The following LZTR1 variants were observed in gnomAD, a reference collection of about 807,000 sequenced individuals.
LZTR1 encodes leucine zipper like post translational regulator 1.
LZTR1 carries 260 observed loss-of-function variants against 105.7 expected under a neutral mutation model. The observed-to-expected ratio is 2.46, with a 90% CI of 2.22 to 2.72. The LOEUF (loss-of-function observed/expected upper bound fraction) is 2.72. LZTR1 is among the 30% of genes most tolerant of loss of function. LZTR1 has a pLI of 0.00. For missense variants in LZTR1, 1,214 were observed against 1,166.9 expected, an observed-to-expected ratio of 1.04 and a Z score of -0.59; for synonymous variants, 490 against 476.4, an observed-to-expected ratio of 1.03 and a Z score of -0.37.
chr22:20,987,552 C>T lies in LZTR1; in HGVS notation c.369C>T (p.Ala123=), dbSNP rs773126123. The change falls in exon 4 of 21, where the codon GCC becomes GCT. Residue 123 remains alanine (A), a synonymous_variant. Transcript: ENST00000646124. ...TPPAPRYHHS[A]VVYGSSMFVF... is the part of the protein sequence containing the mutation. Reference sequence around the variant, plus strand: ...CGGCCCCCCGTTACCACCACTCGGCCGTCGTCTATGGGAGCAGCATGTTTG... The same window carrying T: ...CGGCCCCCCGTTACCACCACTCGGCTGTCGTCTATGGGAGCAGCATGTTTG... 4.5e-5 allele frequency: 73 copies of T among 1,614,090 alleles called. No individual in the cohort carries two copies. Among genetic ancestry groups the T allele is most frequent in the East Asian group, 2.9e-4 (13 of 44,876 alleles).
intron 8 of LZTR1, 84 bp from the exon 9 acceptor site, chr22:20,991,544 C>A (rs1924604965): frequency 9.0e-7 from 1 of 1,115,512 alleles, no homozygotes; most frequent in African/African-American, 1.5e-5. Flanking sequence ...AGGGGGACCT[C>A]CCAGTGAAGG....
intron 7 of LZTR1, 86 bp from the exon 8 acceptor site, chr22:20,990,300 A>G (rs1276560264): frequency 1.4e-6 from 2 of 1,465,696 alleles, no homozygotes; most frequent in East Asian, 4.5e-5. Flanking sequence ...CAAGAATAAA[A>G]GCAGTCCCAT....
Position 20,998,217 on chromosome 22 carries a change from G to A in LZTR1, c.*869G>A, listed in dbSNP as rs41277343. On this transcript the variant is annotated 3_prime_UTR_variant, in exon 21 of 21. Transcript: ENST00000646124. ...CAGATGTAGGTCAGTGGCCTTACCTGTCTCTATCCATGCTGTCAACTCCTG... is the reference window on the plus strand; with the variant it reads ...CAGATGTAGGTCAGTGGCCTTACCTATCTCTATCCATGCTGTCAACTCCTG... 717 of 152,478 alleles carry A rather than the reference G, an allele frequency of 4.7e-3. No individual in the cohort carries two copies. Among genetic ancestry groups the A allele is most frequent in the Non-Finnish European group, 8.5e-3 (579 of 68,136 alleles). The allele number at this position is 152,478 out of a possible 1,614,324, so 9.4% of individuals were successfully genotyped here. A position where few individuals can be genotyped will look rare whatever the true frequency, so the allele number is the denominator to read the frequency against.
intron 16 of LZTR1, chr22:20,995,398 C>T (rs1924795855): frequency 3.3e-6 from 2 of 612,888 alleles, no homozygotes; most frequent in East Asian, 7.3e-5. Flanking sequence ...CTCCCTGGGG[C>T]TTGTGCTGAC....
At chr22:20,993,376 C>T (rs887473034) in intron 11 of LZTR1, 21 of 541,670 alleles carry the variant, frequency 3.9e-5, no homozygotes, top group African/African-American at 1.1e-4. Flanking sequence ...AGAGTGGAGA[C>T]GGCAGAGCTC....
chr22:20,989,361 CTGAG>C (rs1924513256), intron 6 of LZTR1, among the ~76,000 whole-genome samples: 1 of 152,226 alleles, frequency 6.6e-6, no homozygotes, highest in African/African-American at 2.4e-5. Context: ...AGGAGGGACA[CTGAG>C]TGAGGAGCTG....
intron 9 of LZTR1, 33 bp from the exon 10 acceptor site, chr22:20,992,181 C>T: frequency 6.2e-7 from 1 of 1,600,674 alleles, no homozygotes; most frequent in Non-Finnish European, 8.5e-7. Context: ...CCCTTGCCAA[C>T]TGGTCTCATG....
rs1412228621 is a variant in LZTR1, at chr22:20,989,014, G to C, written c.593+142G>C. 6 of 721,286 alleles carry C rather than the reference G, an allele frequency of 8.3e-6. No individual in the cohort carries two copies. The Admixed American group carries it at 8.5e-5, about 10-fold the overall frequency. The allele number at this position is 721,286 out of a possible 1,614,324, so 44.7% of individuals were successfully genotyped here. ...GTGCCACTCTGTCTGGGGGTTTCTT[G>C]GGAGGGGGATGGGGAAAGAGGAGGA... On this transcript the variant is annotated intron_variant, in intron 6 of 20. Transcript: ENST00000646124.
At chr22:20,989,539 C>A in intron 6 of LZTR1, 86 bp from the exon 7 acceptor site, 1 of 1,103,780 alleles carries the variant, frequency 9.1e-7, no homozygotes, top group African/African-American at 1.5e-5. Context: ...GGTGGGGCTC[C>A]TCCCTGCAGC....
intron 6 of LZTR1, 127 bp downstream of exon 6, chr22:20,988,999 G>C (rs1282853124): frequency 2.5e-6 from 2 of 790,518 alleles, no homozygotes; most frequent in Admixed American, 2.0e-5. Context: ...GTGCCACTCT[G>C]TCTGGGGGTT....
chr22:20,992,518 C>A, intron 10 of LZTR1, 149 bp downstream of exon 10: 1 of 955,832 alleles, frequency 1.0e-6, no homozygotes, highest in Non-Finnish European at 1.5e-6. Context: ...GGCCCTCACC[C>A]TGCTGGCCAG....
In LZTR1 at chr22:20,995,014, C is replaced by G. The variant is rs1569157562; in HGVS notation, c.1930C>G (p.Pro644Ala). The G allele has an allele frequency of 6.2e-7, 1 of 1,609,732 alleles. No homozygotes were observed. Among genetic ancestry groups the G allele is most frequent in the East Asian group, 2.2e-5 (1 of 44,834 alleles). ...GCCCCCTCGCACTCCCTTGGACCAG[C>G]CAGTGGACATTGGTAGGGAGCCCCG... ...QPPPRTPLDQ[P>A]VDIGTSLIQD... Residue 644 changes from proline to alanine, a missense_variant, in exon 16 of 21, where the codon CCA (proline) becomes GCA (alanine). Transcript: ENST00000646124.
At position 20,994,596 on chromosome 22, in the gene LZTR1, A is replaced by T; in HGVS notation, c.1654A>T (p.Lys552Ter). ...EDVLLIMDVY[K>*]LALSFQLCRL... ...TGTGCTGCTCATCATGGATGTGTAC[A>T]AACTGGCACTGAGCTTCCAGTTGTG... The change falls in exon 15 of 21, where the codon AAA becomes TAA. Residue 552 changes from lysine (K) to a stop codon, truncating the protein, a stop_gained. Coordinates refer to ENST00000646124, the MANE Select transcript of LZTR1 (RefSeq NM_006767.4). LOFTEE classifies it high-confidence loss of function. 1 of 1,612,404 alleles carries T rather than the reference A, an allele frequency of 6.2e-7. No individual in the cohort carries two copies. The highest frequency in any genetic ancestry group is 8.5e-7 in the Non-Finnish European group (1 of 1,179,986).
At position 20,985,909 on chromosome 22, in the gene LZTR1, C is replaced by A; in HGVS notation, c.320+12C>A. 6.2e-7 allele frequency: 1 copy of A among 1,613,846 alleles called. No homozygotes were observed. The highest frequency in any genetic ancestry group is 8.5e-7 in the Non-Finnish European group (1 of 1,179,790). On this transcript the variant is annotated intron_variant, in intron 3 of 20. Transcript: ENST00000646124. ...TGCTCCTGGTGCAGGTGGGTGGCCC[C>A]GTGCTCCAGGGCCCTGCCTTTCCTC...
chr22:20,993,781 C>A, intron 12 of LZTR1, 27 bp downstream of exon 12: 1 of 1,602,708 alleles, frequency 6.2e-7, no homozygotes, highest in South Asian at 1.1e-5. Context: ...GCACCCTGCT[C>A]TGCCTGCTGT....
At chr22:20,991,588 G>C in intron 8 of LZTR1, 40 bp from the exon 9 acceptor site, 1 of 1,470,670 alleles carries the variant, frequency 6.8e-7, no homozygotes, top group Non-Finnish European at 9.1e-7. Flanking sequence ...GTGAGCAGGA[G>C]CCCCTGTCCC....
rs1351226319 is a variant in LZTR1, at chr22:20,990,404, A to AT, written c.671dup (p.Ser227IlefsTer33). On this transcript the variant is annotated frameshift_variant, in exon 8 of 21. Coordinates refer to ENST00000646124, the MANE Select transcript of LZTR1 (RefSeq NM_006767.4). LOFTEE classifies it high-confidence loss of function. Reference sequence around the variant, plus strand: ...CCTGCAGGTGGCCCAGAGTGGCGAGATCCCCCCATCTTGCTGCAACTTCCC... The same window carrying AT: ...CCTGCAGGTGGCCCAGAGTGGCGAGATTCCCCCCATCTTGCTGCAACTTCCC... The AT allele has an allele frequency of 2.5e-6, 4 of 1,614,050 alleles. No individual in the cohort carries two copies. Among genetic ancestry groups the AT allele is most frequent in the Admixed American group, 1.7e-5 (1 of 60,006 alleles).
rs758783465 is a variant in LZTR1 at position 20,994,274 on chromosome 22, G to C, written c.1615+5G>C. On this transcript the variant is annotated splice_donor_5th_base_variant and intron_variant, in intron 14 of 20. Coordinates refer to ENST00000646124, the MANE Select transcript of LZTR1 (RefSeq NM_006767.4). Reference sequence around the variant, plus strand: ...AGATCAAATACCCACGGAAAGGTCCGCCTGGGTGGGGGTGGAGCAGGGTTG... The same window carrying C: ...AGATCAAATACCCACGGAAAGGTCCCCCTGGGTGGGGGTGGAGCAGGGTTG... 3 of 1,597,090 alleles carry C rather than the reference G, an allele frequency of 1.9e-6. No individual in the cohort carries two copies. The highest frequency in any genetic ancestry group is 1.1e-5 in the South Asian group (1 of 90,916).
At chr22:20,983,377 C>T (rs1486177407) in intron 2 of LZTR1, among the ~76,000 whole-genome samples, 1 of 152,246 alleles carries the variant, frequency 6.6e-6, no homozygotes, top group Non-Finnish European at 1.5e-5. Context: ...ACACAACCAC[C>T]CTTGCGGCCA....
Sources: gnomAD v4.1 joint callset for allele counts (sites outside exome capture counted in the v4.1 genomes callset) on GRCh38, gnomAD v4.1.1 for gene constraint, MANE v1.5 for transcripts, NCBI Gene and HGNC (gene_info 2026-07-23, HGNC 2026-07-21) for gene names.